Variants in BTD observed in about 807,000 individuals in gnomAD.
The protein encoded by BTD is biocytinase.
Under a neutral mutation model 17.7 loss-of-function variants are expected in BTD, and 13 were observed. That is an observed-to-expected ratio of 0.74 (90% CI 0.48 to 1.17). The LOEUF is 1.17. BTD is among the 50% of genes most tolerant of loss of function. BTD has a pLI of 0.00. For synonymous variants in BTD, 240 were observed against 245.2 expected, an observed-to-expected ratio of 0.98 and a Z score of 0.20; for missense variants, 674 against 650.4, an observed-to-expected ratio of 1.04 and a Z score of -0.39.
intron 3 of BTD, among the ~76,000 whole-genome samples, chr3:15,688,853 T>G (rs947519067): frequency 6.6e-6 from 1 of 152,234 alleles, no homozygotes; most frequent in Non-Finnish European, 1.5e-5. Flanking sequence ...TTGCATAAAG[T>G]GCTCTGTAAA....
At chr3:15,676,127 C>T (rs1420667959) in intron 3 of BTD, 1 of 562,260 alleles carries the variant, frequency 1.8e-6, no homozygotes, top group African/African-American at 1.9e-5. Flanking sequence ...GTCCTAATAA[C>T]AAAGATGGGG....
chr3:15,682,458 T>C (rs994778089), intron 3 of BTD, among the ~76,000 whole-genome samples: 2 of 152,156 alleles, frequency 1.3e-5, no homozygotes, highest in African/African-American at 4.8e-5. Flanking sequence ...TTATGAAAGA[T>C]AGATAGGATG....
At chr3:15,675,925 C>A in intron 3 of BTD, 1 of 1,612,990 alleles carries the variant, frequency 6.2e-7, no homozygotes, top group Non-Finnish European at 8.5e-7. Flanking sequence ...AGCACACTTG[C>A]TCCTTTTCCC....
exon 4 of BTD, among the ~76,000 whole-genome samples, chr3:15,711,945 C>G (rs1013444795): frequency 6.6e-6 from 1 of 151,970 alleles, no homozygotes; most frequent in Admixed American, 6.6e-5. Context: ...ATCTGCCTGT[C>G]TCGGCCTCCC....
chr3:15,666,934 T>A (rs773013652), intron 3 of BTD, among the ~76,000 whole-genome samples: 17 of 152,232 alleles, frequency 1.1e-4, no homozygotes, highest in Non-Finnish European at 2.2e-4. Flanking sequence ...AATCTCTACC[T>A]CAATTACACT....
intron 1 of BTD, among the ~76,000 whole-genome samples, chr3:15,620,300 C>T (rs2064912075): frequency 6.6e-6 from 1 of 152,162 alleles, no homozygotes; most frequent in African/African-American, 2.4e-5. Context: ...ACAGACATTC[C>T]CAGAACGGCC....
chr3:15,713,388 C>A, downstream of BTD: 1 of 616,252 alleles, frequency 1.6e-6, no homozygotes, highest in South Asian at 2.1e-5. Context: ...ACCACTTTGT[C>A]AATACAAAAG....
chr3:15,683,390 G>T (rs1559327924), intron 3 of BTD, among the ~76,000 whole-genome samples: 1 of 152,048 alleles, frequency 6.6e-6, no homozygotes. Context: ...TATCTTCTTT[G>T]TTCTAGTATG....
intron 4 of BTD, among the ~76,000 whole-genome samples, chr3:15,719,086 T>C (rs1377834174): frequency 6.6e-6 from 1 of 152,206 alleles, no homozygotes; most frequent in African/African-American, 2.4e-5. Context: ...TAAAAACTTT[T>C]AAAAAGATGG....
At chr3:15,619,729 A>G (rs747014084) in intron 1 of BTD, among the ~76,000 whole-genome samples, 9 of 152,146 alleles carry the variant, frequency 5.9e-5, no homozygotes, top group Non-Finnish European at 1.3e-4. Context: ...TACTGGGAGA[A>G]CCCACCCCCA....
At chr3:15,670,397 A>C in intron 3 of BTD, 2 of 1,614,006 alleles carry the variant, frequency 1.2e-6, no homozygotes, top group Non-Finnish European at 1.7e-6. Context: ...CAAAGCTTCA[A>C]AGCTGACTGT....
intron 1 of BTD, among the ~76,000 whole-genome samples, chr3:15,604,948 G>C (rs917105059): frequency 6.6e-6 from 1 of 152,084 alleles, no homozygotes; most frequent in Non-Finnish European, 1.5e-5. Context: ...ACATTTTCCT[G>C]TCTTCTGAGC....
At chr3:15,629,733 T>C (rs1357260837) in intron 1 of BTD, among the ~76,000 whole-genome samples, 1 of 152,112 alleles carries the variant, frequency 6.6e-6, no homozygotes, top group African/African-American at 2.4e-5. Flanking sequence ...ACCTCCGCAG[T>C]GGTCATTAAA....
chr3:15,643,871 A>G (rs1265694173), intron 3 of BTD, among the ~76,000 whole-genome samples: 2 of 145,396 alleles, frequency 1.4e-5, no homozygotes, highest in Non-Finnish European at 3.0e-5. Flanking sequence ...AGCCTGGGCA[A>G]TGTAACAAGA....
At chr3:15,696,455 T>C (rs1258993315) in intron 3 of BTD, among the ~76,000 whole-genome samples, 1 of 152,150 alleles carries the variant, frequency 6.6e-6, no homozygotes, top group African/African-American at 2.4e-5. Flanking sequence ...ATCTTCTTGA[T>C]TCAAAGTGGA....
rs2065803456 is a variant in BTD, at chr3:15,651,534, G to A, written c.*6046G>A. On this transcript the variant is annotated 3_prime_UTR_variant, in exon 4 of 4. Coordinates refer to ENST00000643237, the MANE Select transcript of BTD (RefSeq NM_001370658.1). ...AGAGGGAAGCTTATGGAGAGAGCAG[G>A]CTGGCGGGAGCAGGGGCTGTGAGAG... 6.6e-6 allele frequency among the ~76,000 whole-genome samples: 1 copy of A among 152,208 alleles called. No individual in the cohort carries two copies. Among genetic ancestry groups the A allele is most frequent in the African/African-American group, 2.4e-5 (1 of 41,444 alleles).
chr3:15,673,807 C>T (rs2066626592), intron 3 of BTD, among the ~76,000 whole-genome samples: 1 of 151,824 alleles, frequency 6.6e-6, no homozygotes, highest in Admixed American at 6.6e-5. Flanking sequence ...GCTGGCATGG[C>T]AGAATGAAGT....
chr3:15,650,431 T>G lies in BTD; in HGVS notation c.*4943T>G, dbSNP rs2065783326. Among the ~76,000 whole-genome samples, 1 of 58,396 alleles carries G rather than the reference T, an allele frequency of 1.7e-5. No homozygotes were observed. Among genetic ancestry groups the G allele is most frequent in the South Asian group, 6.6e-4 (1 of 1,514 alleles). 38.3% of individuals were successfully genotyped at this position (58,396 alleles called of 152,430 possible). ...CATTCTCTTCATCTTTTTCTTTTTG[T>G]TTGAGCAAAAAAAAAAAAGAATATA... On this transcript the variant is annotated 3_prime_UTR_variant, in exon 4 of 4. Coordinates refer to ENST00000643237, the MANE Select transcript of BTD (RefSeq NM_001370658.1).
Position 15,650,609 on chromosome 3 carries a change from A to C in BTD, c.*5121A>C, listed in dbSNP as rs527674768. 6.6e-6 allele frequency among the ~76,000 whole-genome samples: 1 copy of C among 152,070 alleles called. No homozygotes were observed. The highest frequency in any genetic ancestry group is 6.6e-5 in the Admixed American group (1 of 15,264). ...AGACAGACTCTCGTGTAGTTGCAAC[A>C]ATGGCCATGACTTCTAGGCTTCATC... On this transcript the variant is annotated 3_prime_UTR_variant, in exon 4 of 4. Coordinates refer to ENST00000643237, the MANE Select transcript of BTD (RefSeq NM_001370658.1).
Sources: gnomAD v4.1 joint callset for allele counts (sites outside exome capture counted in the v4.1 genomes callset) on GRCh38, gnomAD v4.1.1 for gene constraint, MANE v1.5 for transcripts, NCBI Gene and HGNC (gene_info 2026-07-23, HGNC 2026-07-21) for gene names.